Variants in LRRC7 observed in about 807,000 individuals in gnomAD.
LRRC7 encodes the protein leucine-rich repeat-containing protein 7.
Under a neutral mutation model 175.7 loss-of-function variants are expected in LRRC7, and 23 were observed. The observed-to-expected ratio is 0.13, with a 90% CI of 0.09 to 0.19. The LOEUF is 0.19. Ranked by LOEUF, LRRC7 falls within the 10% of genes least tolerant of loss-of-function variation. The pLI, the probability that LRRC7 is intolerant of heterozygous loss-of-function variation, is 1.00. For missense variants in LRRC7, 1,354 were observed against 1,904.7 expected (o/e 0.71, Z 5.38); for synonymous variants, 685 against 680.9 (o/e 1.01, Z -0.09).
chr1:69,936,264 T>A (rs1648009051), intron 8 of LRRC7, among the ~76,000 whole-genome samples: 1 of 152,118 alleles, frequency 6.6e-6, no homozygotes, highest in South Asian at 2.1e-4. Flanking sequence ...TGATCAAGTT[T>A]CTCAAAAAGA....
intron 10 of LRRC7, among the ~76,000 whole-genome samples, chr1:69,990,694 G>A (rs12022612): frequency 0.044 from 6,619 of 151,914 alleles, 166 homozygotes; most frequent in South Asian, 0.1. Context: ...AACCAGGAGA[G>A]GAGGGGAAAA....
intron 7 of LRRC7, among the ~76,000 whole-genome samples, chr1:69,905,870 A>C (rs1395388654): frequency 6.6e-5 from 10 of 152,224 alleles, no homozygotes; most frequent in Non-Finnish European, 1.5e-4. Context: ...TTACAGTCCC[A>C]CCAACAGTGT....
chr1:69,993,627 G>A (rs1557966783), intron 10 of LRRC7, among the ~76,000 whole-genome samples: 1 of 152,056 alleles, frequency 6.6e-6, no homozygotes, highest in African/African-American at 2.4e-5. Flanking sequence ...ATTAAAGAAA[G>A]CTATTTAATT....
At chr1:70,004,741 C>G (rs954546357) in intron 11 of LRRC7, among the ~76,000 whole-genome samples, 1 of 151,796 alleles carries the variant, frequency 6.6e-6, no homozygotes, top group East Asian at 1.9e-4. Context: ...CTCTCTCTCC[C>G]TCTCTTTCTC....
chr1:69,954,805 T>C (rs553038725), intron 8 of LRRC7, among the ~76,000 whole-genome samples: 1 of 152,250 alleles, frequency 6.6e-6, no homozygotes, highest in African/African-American at 2.4e-5. Flanking sequence ...TTCTGTCTTA[T>C]GACATTGTCA....
rs572721320 is a variant in LRRC7, at chr1:69,679,949, T to C, written c.100+1471T>C. ...TGAAACACAGCCATCATTTATTTAT[T>C]GTATATTATGCACAACTGATTTTGC... On this transcript the variant is annotated intron_variant, in intron 2 of 26. Transcript: ENST00000651989. Among the ~76,000 whole-genome samples, 269 of 152,250 alleles carry C rather than the reference T, an allele frequency of 1.8e-3. 1 individual carries two copies. The highest frequency in any genetic ancestry group is 6.2e-3 in the African/African-American group (257 of 41,552).
intron 11 of LRRC7, among the ~76,000 whole-genome samples, chr1:70,003,178 C>G (rs749424458): frequency 2.2e-4 from 34 of 152,106 alleles, no homozygotes; most frequent in South Asian, 6.2e-4. Context: ...GAGGGAAGAA[C>G]AAGCCCTGGT....
intron 8 of LRRC7, among the ~76,000 whole-genome samples, chr1:69,961,923 C>T (rs1651133188): frequency 6.6e-6 from 1 of 152,096 alleles, no homozygotes; most frequent in African/African-American, 2.4e-5. Flanking sequence ...AGGACATAGG[C>T]ATGGGCAAAG....
At chr1:69,862,534 C>T (rs745504107) in intron 7 of LRRC7, among the ~76,000 whole-genome samples, 1 of 152,106 alleles carries the variant, frequency 6.6e-6, no homozygotes, top group East Asian at 1.9e-4. Context: ...CTTCGAATGT[C>T]CACTTTAACA....
At chr1:69,644,909 T>C (rs201883010) in intron 1 of LRRC7, among the ~76,000 whole-genome samples, 3 of 152,054 alleles carry the variant, frequency 2.0e-5, no homozygotes, top group South Asian at 2.1e-4. Context: ...AAAAAAGCAT[T>C]TGACAAATTA....
chr1:69,706,292 C>T (rs187965724), intron 2 of LRRC7, among the ~76,000 whole-genome samples: 23 of 152,280 alleles, frequency 1.5e-4, no homozygotes, highest in Non-Finnish European at 4.4e-5. Context: ...CAAAATCACT[C>T]ACCTGTGCAT....
At chr1:69,802,441 A>G (rs931977209) in intron 4 of LRRC7, among the ~76,000 whole-genome samples, 21 of 151,478 alleles carry the variant, frequency 1.4e-4, no homozygotes, top group African/African-American at 5.1e-4. Flanking sequence ...ATCTTCTTCT[A>G]TAATTGATTC....
intron 7 of LRRC7, among the ~76,000 whole-genome samples, chr1:69,925,790 C>G (rs1411124747): frequency 2.0e-5 from 3 of 150,938 alleles, no homozygotes; most frequent in Non-Finnish European, 4.4e-5. Context: ...TTTTTTGTGT[C>G]TCTATTTCCT....
intron 3 of LRRC7, among the ~76,000 whole-genome samples, chr1:69,791,463 G>A (rs1041044775): frequency 6.6e-6 from 1 of 151,906 alleles, no homozygotes; most frequent in Non-Finnish European, 1.5e-5. Flanking sequence ...ACTGATGGCA[G>A]AAATGAAGCA....
chr1:69,573,669 CATT>C (rs1449021480), intron 1 of LRRC7, among the ~76,000 whole-genome samples: 2 of 151,896 alleles, frequency 1.3e-5, no homozygotes, highest in Non-Finnish European at 2.9e-5. Context: ...ATAATAGAAA[CATT>C]ATCATTTGTC....
chr1:69,997,627 T>C (rs1255599819), intron 11 of LRRC7, among the ~76,000 whole-genome samples: 1 of 150,854 alleles, frequency 6.6e-6, no homozygotes, highest in Non-Finnish European at 1.5e-5. Flanking sequence ...TTGAATTTTG[T>C]CAAAGGCCTT....
chr1:69,732,908 G>A (rs1176074341), intron 2 of LRRC7, among the ~76,000 whole-genome samples: 3 of 151,980 alleles, frequency 2.0e-5, no homozygotes, highest in Non-Finnish European at 2.9e-5. Context: ...GAGAAGGTGG[G>A]AATTAATCAG....
At chr1:70,022,912 A>G (rs529074698) in intron 16 of LRRC7, among the ~76,000 whole-genome samples, 2 of 152,332 alleles carry the variant, frequency 1.3e-5, no homozygotes, top group South Asian at 4.1e-4. Context: ...TGTATAGTGT[A>G]GTATGAATGC....
intron 1 of LRRC7, among the ~76,000 whole-genome samples, chr1:69,617,661 G>A (rs577543957): frequency 1.3e-5 from 2 of 151,264 alleles, no homozygotes; most frequent in Admixed American, 6.6e-5. Context: ...GGGCCCTTAC[G>A]GTAGTCGGTT....
Sources: allele counts gnomAD v4.1 joint callset (sites outside exome capture counted in the v4.1 genomes callset), GRCh38; gene constraint gnomAD v4.1.1; transcripts MANE v1.5; gene names NCBI Gene and HGNC (gene_info 2026-07-23, HGNC 2026-07-21).